The following KCNAB1 variants were observed in gnomAD, a reference collection of about 807,000 sequenced individuals.
KCNAB1 encodes voltage-gated potassium channel subunit beta-1.
Under a neutral mutation model 64.6 loss-of-function variants are expected in KCNAB1, and 35 were observed. That is an observed-to-expected ratio of 0.54 (90% CI 0.41 to 0.72). KCNAB1 has a LOEUF of 0.72. KCNAB1 is among the 30% of genes least tolerant of loss of function. KCNAB1 has a pLI of 0.00. For synonymous variants in KCNAB1, 177 were observed against 183.8 expected (o/e 0.96, Z 0.30); for missense variants, 401 against 512.9 (o/e 0.78, Z 2.11).
At chr3:156,478,664 A>C (rs544179962) in intron 8 of KCNAB1, among the ~76,000 whole-genome samples, 3 of 152,306 alleles carry the variant, frequency 2.0e-5, no homozygotes, top group African/African-American at 7.2e-5. Flanking sequence ...TTAAAATGCC[A>C]ATTGTATTCA....
intron 1 of KCNAB1, among the ~76,000 whole-genome samples, chr3:156,121,745 C>G (rs1293411312): frequency 6.6e-6 from 1 of 152,132 alleles, no homozygotes; most frequent in African/African-American, 2.4e-5. Context: ...AAAAATGGTT[C>G]CAATTACGTA....
At chr3:156,516,198 T>A in intron 10 of KCNAB1, 72 bp from the exon 11 acceptor site, 1 of 1,011,290 alleles carries the variant, frequency 9.9e-7, no homozygotes, top group Non-Finnish European at 1.6e-6. Flanking sequence ...GTTTAAACAC[T>A]ACTGCCCCCA....
At chr3:156,531,580 CT>C (rs1718705932) in intron 13 of KCNAB1, 83 bp downstream of exon 13, 1 of 1,020,702 alleles carries the variant, frequency 9.8e-7, no homozygotes, top group African/African-American at 1.6e-5. Flanking sequence ...ATCTCTCCCC[CT>C]CTCTGTCCTG....
At chr3:156,440,266 C>G (rs112373112) in intron 2 of KCNAB1, among the ~76,000 whole-genome samples, 18 of 152,208 alleles carry the variant, frequency 1.2e-4, no homozygotes, top group African/African-American at 4.1e-4. Flanking sequence ...TTTGATGTCT[C>G]TAGTTACCTA....
intron 1 of KCNAB1, among the ~76,000 whole-genome samples, chr3:156,332,651 C>T (rs1723423886): frequency 1.3e-5 from 2 of 152,172 alleles, no homozygotes; most frequent in Admixed American, 1.3e-4. Flanking sequence ...CCTAGAGATG[C>T]AGTAATTTCC....
intron 3 of KCNAB1, among the ~76,000 whole-genome samples, chr3:156,453,729 C>T (rs1273319446): frequency 6.6e-6 from 1 of 152,198 alleles, no homozygotes; most frequent in South Asian, 2.1e-4. Context: ...TCCCTCTGAT[C>T]CTTCCGTGTC....
intron 1 of KCNAB1, among the ~76,000 whole-genome samples, chr3:156,256,625 AC>A (rs773986283): frequency 5.9e-5 from 9 of 152,366 alleles, no homozygotes; most frequent in Non-Finnish European, 1.2e-4. Context: ...CTGAAGACTT[AC>A]CAGTGGGCCA....
chr3:156,457,570 T>C (rs778755126), intron 4 of KCNAB1, 38 bp downstream of exon 4: 4 of 1,543,054 alleles, frequency 2.6e-6, no homozygotes, highest in Non-Finnish European at 3.6e-6. Context: ...AAATGGCATC[T>C]GTAGCACCAA....
intron 1 of KCNAB1, among the ~76,000 whole-genome samples, chr3:156,348,448 C>T (rs962904915): frequency 2.6e-5 from 4 of 152,018 alleles, no homozygotes; most frequent in South Asian, 2.1e-4. Flanking sequence ...ATTTCTTGTC[C>T]GTGGATTGGG....
At chr3:156,475,202 A>G (rs1345235946) in intron 8 of KCNAB1, among the ~76,000 whole-genome samples, 2 of 152,158 alleles carry the variant, frequency 1.3e-5, no homozygotes, top group African/African-American at 4.8e-5. Context: ...TAATGGCTCT[A>G]AGTCTGATTA....
chr3:156,353,641 T>G (rs1725003410), intron 1 of KCNAB1, among the ~76,000 whole-genome samples: 1 of 152,184 alleles, frequency 6.6e-6, no homozygotes, highest in African/African-American at 2.4e-5. Context: ...AAGAGCCACT[T>G]CCAAGCTCAT....
intron 1 of KCNAB1, among the ~76,000 whole-genome samples, chr3:156,356,466 G>A (rs1412509906): frequency 6.6e-6 from 1 of 151,984 alleles, no homozygotes; most frequent in African/African-American, 2.4e-5. Context: ...CACCCAAGTT[G>A]TTGATGGGAC....
intron 4 of KCNAB1, 109 bp from the exon 5 acceptor site, chr3:156,459,718 G>A: frequency 1.4e-6 from 1 of 728,202 alleles, no homozygotes; most frequent in Non-Finnish European, 2.3e-6. Flanking sequence ...TCTATTTTCG[G>A]GATATGTAGG....
chr3:156,426,862 C>T (rs968027426), intron 2 of KCNAB1, among the ~76,000 whole-genome samples: 1 of 152,038 alleles, frequency 6.6e-6, no homozygotes, highest in Non-Finnish European at 1.5e-5. Context: ...CATCCTATGC[C>T]AAAAACAGTT....
chr3:156,439,961 C>A (rs989461053), intron 2 of KCNAB1, among the ~76,000 whole-genome samples: 4 of 152,088 alleles, frequency 2.6e-5, no homozygotes, highest in Non-Finnish European at 4.4e-5. Flanking sequence ...GGAATGGATT[C>A]ATTTAGATTA....
At chr3:156,291,780 C>A (rs1427460055) in intron 1 of KCNAB1, 4 of 1,512,356 alleles carry the variant, frequency 2.6e-6, no homozygotes, top group East Asian at 4.8e-5. Context: ...ACTCCTCTGA[C>A]GGCATCCCCA....
chr3:156,169,660 C>T (rs532721894), intron 1 of KCNAB1, among the ~76,000 whole-genome samples: 15 of 152,234 alleles, frequency 9.9e-5, no homozygotes, highest in East Asian at 3.9e-4. Context: ...TGGTCAGCAC[C>T]GTCCCTCTAG....
At chr3:156,277,516 C>CT (rs985761386) in intron 1 of KCNAB1, among the ~76,000 whole-genome samples, 1 of 152,096 alleles carries the variant, frequency 6.6e-6, no homozygotes, top group Non-Finnish European at 1.5e-5. Flanking sequence ...CTGTTTCTAG[C>CT]TTTTTTCACT....
At chr3:156,141,050 A>C (rs932063261) in intron 1 of KCNAB1, among the ~76,000 whole-genome samples, 37 of 151,392 alleles carry the variant, frequency 2.4e-4, no homozygotes, top group African/African-American at 8.7e-4. Flanking sequence ...ATATGTGAGG[A>C]GTTTCTTTGC....
Sources: allele counts gnomAD v4.1 joint callset (sites outside exome capture counted in the v4.1 genomes callset), GRCh38; gene constraint gnomAD v4.1.1; transcripts MANE v1.5; gene names NCBI Gene and HGNC (gene_info 2026-07-23, HGNC 2026-07-21).